THRB: variants seen among roughly 807,000 people sequenced by gnomAD.
THRB encodes the protein nuclear receptor subfamily 1 group A member 2.
Under a neutral mutation model 47.8 loss-of-function variants are expected in THRB, and 12 were observed. The observed-to-expected ratio is 0.25, with a 90% confidence interval of 0.16 to 0.41. The LOEUF (loss-of-function observed/expected upper bound fraction) is 0.41. THRB is among the 10% of genes least tolerant of loss of function. The probability of loss-of-function intolerance (pLI) is 1.00; values close to 1 mark genes in which losing one functional copy is unlikely to be tolerated. For synonymous variants in THRB, 218 were observed against 212.2 expected (o/e 1.03, Z -0.24); for missense variants, 348 against 589.2 (o/e 0.59, Z 4.24).
At chr3:24,186,940 A>G (rs1304875741) in intron 5 of THRB, among the ~76,000 whole-genome samples, 52 of 77,500 alleles carry the variant, frequency 6.7e-4, no homozygotes, top group African/African-American at 3.3e-3. Context: ...GCAAGACTCC[A>G]TTTCAAAAAA....
chr3:24,273,505 C>T (rs1343926678), intron 3 of THRB, among the ~76,000 whole-genome samples: 1 of 152,030 alleles, frequency 6.6e-6, no homozygotes, highest in Non-Finnish European at 1.5e-5. Flanking sequence ...TGCTCCACAA[C>T]AAAATGAGAA....
intron 1 of THRB, among the ~76,000 whole-genome samples, chr3:24,391,427 A>T (rs2066560792): frequency 6.6e-6 from 1 of 152,128 alleles, no homozygotes; most frequent in African/African-American, 2.4e-5. Context: ...AATCTTTATG[A>T]TACTTGCTAT....
chr3:24,455,228 T>C (rs2073055488), intron 1 of THRB: 1 of 149,382 alleles, frequency 6.7e-6, no homozygotes. Context: ...TCACCTCCAT[T>C]ACTCAGCTCC....
chr3:24,426,725 G>C (rs1440835449), intron 1 of THRB, among the ~76,000 whole-genome samples: 1 of 151,752 alleles, frequency 6.6e-6, no homozygotes, highest in Non-Finnish European at 1.5e-5. Flanking sequence ...GAAAATTTTT[G>C]GTCTTAACAC....
intron 1 of THRB, among the ~76,000 whole-genome samples, chr3:24,395,532 T>C (rs1469733527): frequency 6.6e-6 from 1 of 152,044 alleles, no homozygotes; most frequent in Admixed American, 6.6e-5. Context: ...TCAACTTGAT[T>C]TGCAGTACAC....
chr3:24,200,352 T>C (rs2044447324), intron 4 of THRB, among the ~76,000 whole-genome samples: 1 of 152,202 alleles, frequency 6.6e-6, no homozygotes, highest in African/African-American at 2.4e-5. Context: ...ACGTGAATCT[T>C]TTCTGACTTT....
intron 1 of THRB, among the ~76,000 whole-genome samples, chr3:24,480,104 C>G (rs1696138298): frequency 6.6e-6 from 1 of 152,210 alleles, no homozygotes; most frequent in African/African-American, 2.4e-5. Flanking sequence ...TGGCTGCTGT[C>G]CCTTCCTGGC....
At chr3:24,451,434 A>G (rs986068544) in intron 1 of THRB, among the ~76,000 whole-genome samples, 1 of 151,888 alleles carries the variant, frequency 6.6e-6, no homozygotes, top group African/African-American at 2.4e-5. Context: ...ATGGGGTTTC[A>G]CTATGTTAGC....
At chr3:24,345,863 A>G (rs2062979919) in intron 1 of THRB, among the ~76,000 whole-genome samples, 1 of 152,168 alleles carries the variant, frequency 6.6e-6, no homozygotes, top group African/African-American at 2.4e-5. Flanking sequence ...TTAACAGCGT[A>G]TACATATGTC....
intron 1 of THRB, among the ~76,000 whole-genome samples, chr3:24,490,827 C>T (rs1698035826): frequency 6.6e-6 from 1 of 152,132 alleles, no homozygotes; most frequent in African/African-American, 2.4e-5. Flanking sequence ...GGATTCATCA[C>T]CAGAATCTCC....
chr3:24,294,337 A>G (rs1245487148), intron 3 of THRB, among the ~76,000 whole-genome samples: 1 of 152,190 alleles, frequency 6.6e-6, no homozygotes, highest in Non-Finnish European at 1.5e-5. Context: ...GCCCAGACTG[A>G]AGAATCATGA....
chr3:24,347,627 A>C (rs1315945271), intron 1 of THRB, among the ~76,000 whole-genome samples: 1 of 151,052 alleles, frequency 6.6e-6, no homozygotes, highest in African/African-American at 2.4e-5. Context: ...TTTTTAAAAA[A>C]TTTCTTTTTA....
At chr3:24,338,416 T>C (rs535917487) in intron 1 of THRB, among the ~76,000 whole-genome samples, 4 of 152,358 alleles carry the variant, frequency 2.6e-5, no homozygotes, top group East Asian at 1.9e-4. Context: ...CTATATGATA[T>C]GAATCTCTGT....
intron 3 of THRB, among the ~76,000 whole-genome samples, chr3:24,280,859 A>C (rs7652135): frequency 0.75 from 111,687 of 149,524 alleles, 43,543 homozygotes; most frequent in East Asian, 0.94. Context: ...GAAATGAATG[A>C]AATGAAGCGA....
chr3:24,355,346 T>C (rs2063608468), intron 1 of THRB, among the ~76,000 whole-genome samples: 1 of 152,056 alleles, frequency 6.6e-6, no homozygotes, highest in Non-Finnish European at 1.5e-5. Context: ...TTCTGTATAA[T>C]AAAGGAGCCT....
At chr3:24,324,074 G>A (rs1471459290) in intron 2 of THRB, among the ~76,000 whole-genome samples, 2 of 152,114 alleles carry the variant, frequency 1.3e-5, no homozygotes, top group African/African-American at 2.4e-5. Flanking sequence ...ACCCCTGTGG[G>A]CACTTGACCT....
chr3:24,196,220 A>C (rs2043937329), intron 4 of THRB, among the ~76,000 whole-genome samples: 1 of 152,160 alleles, frequency 6.6e-6, no homozygotes, highest in Non-Finnish European at 1.5e-5. Flanking sequence ...AGTTCAGTTA[A>C]AGTTGCTTCT....
intron 3 of THRB, among the ~76,000 whole-genome samples, chr3:24,247,932 G>T (rs114718460): frequency 0.011 from 1,616 of 151,716 alleles, 29 homozygotes; most frequent in African/African-American, 0.037. Context: ...TAAAGCACAG[G>T]ATTTGGCTAG....
chr3:24,130,741 T>G (rs978617136), intron 9 of THRB, among the ~76,000 whole-genome samples: 1 of 152,198 alleles, frequency 6.6e-6, no homozygotes, highest in Non-Finnish European at 1.5e-5. Flanking sequence ...ATCAAAAGCC[T>G]GTATATCTCG....
Sources: allele counts gnomAD v4.1 joint callset (sites outside exome capture counted in the v4.1 genomes callset), GRCh38; gene constraint gnomAD v4.1.1; transcripts MANE v1.5; gene names NCBI Gene and HGNC (gene_info 2026-07-23, HGNC 2026-07-21).